Variants in SLC38A10 observed in about 807,000 individuals in gnomAD.
SLC38A10 encodes Sodium-coupled neutral amino acid transporter 10.
In SLC38A10, 53 loss-of-function variants were observed where a neutral mutation model predicts 81.0. The observed-to-expected ratio is 0.65, with a 90% confidence interval of 0.53 to 0.82. The LOEUF (loss-of-function observed/expected upper bound fraction) is 0.82, where lower values mean the gene tolerates loss of function less well. Among genes scored for constraint, SLC38A10 ranks in the 40% least tolerant of loss-of-function variants. The pLI is 0.00. For missense variants in SLC38A10, 1,471 were observed against 1,545.0 expected, an observed-to-expected ratio of 0.95 and a Z score of 0.80; for synonymous variants, 665 against 655.3, an observed-to-expected ratio of 1.01 and a Z score of -0.23.
chr17:81,258,290 G>A (rs1196674945), intron 11 of SLC38A10, among the ~76,000 whole-genome samples: 3 of 152,186 alleles, frequency 2.0e-5, no homozygotes, highest in East Asian at 1.9e-4. Context: ...GCCTCAGCCC[G>A]GCAGCCCATC....
At chr17:81,259,680 T>C (rs550093240) in intron 11 of SLC38A10, among the ~76,000 whole-genome samples, 1 of 151,886 alleles carries the variant, frequency 6.6e-6, no homozygotes. Flanking sequence ...GCGTCAGGGT[T>C]ATGGGGCGCT....
In SLC38A10 at chr17:81,245,597, G is replaced by C; in HGVS notation, c.3319C>G (p.Arg1107Gly). 1 of 1,611,584 alleles carries C rather than the reference G, an allele frequency of 6.2e-7. No individual in the cohort carries two copies. The highest frequency in any genetic ancestry group is 8.5e-7 in the Non-Finnish European group (1 of 1,179,460). The change falls in exon 16 of 16, where the codon CGG becomes GGG. Residue 1107 changes from arginine (R) to glycine (G), a missense_variant. Physicochemically the swap from Arg to Gly is moderately radical, Grantham distance 125 (BLOSUM62 -2). This residue lies in a region of SLC38A10 where 751 missense variants were observed against 717.4 expected (regional missense o/e 1.05). Transcript: ENST00000374759. ...AGGALQVVHS[R>G]QLRQAPGPPE... The stretch of plus-strand genomic sequence containing the variant: ...GGCCCAGGCGCCTGTCTAAGCTGCC[G>C]GCTGTGGACCACCTGCAGAGCTCCC...
intron 1 of SLC38A10, among the ~76,000 whole-genome samples, chr17:81,293,192 G>A (rs2063323573): frequency 6.6e-6 from 1 of 152,180 alleles, no homozygotes; most frequent in South Asian, 2.1e-4. Flanking sequence ...TCTTTGACTT[G>A]CAGGAGAAGG....
In SLC38A10 at chr17:81,270,080, C is replaced by T. The variant is rs1344112008; in HGVS notation, c.1131+838G>A. ...AAAAGAAACGCAAGTGGCTTCTAAA[C>T]CCATGAAAAGACACTCAAGTTCCCG... is the stretch of plus-strand genomic sequence containing the variant. On this transcript the variant is annotated intron_variant, in intron 10 of 15. Coordinates refer to ENST00000374759, the MANE Select transcript of SLC38A10 (RefSeq NM_001037984.3). The surrounding 1 kb of genome is among the most constrained non-coding windows in gnomAD (Gnocchi z 4.0). Among the ~76,000 whole-genome samples the T allele has an allele frequency of 1.3e-5, 2 of 152,196 alleles. No individual in the cohort carries two copies. The highest frequency in any genetic ancestry group is 2.9e-5 in the Non-Finnish European group (2 of 68,030).
intron 3 of SLC38A10, among the ~76,000 whole-genome samples, chr17:81,284,096 G>T (rs539765101): frequency 6.6e-6 from 1 of 151,644 alleles, no homozygotes; most frequent in Non-Finnish European, 1.5e-5. Flanking sequence ...AGTGGCTCAC[G>T]CCTGTAATCT....
intron 10 of SLC38A10, among the ~76,000 whole-genome samples, chr17:81,267,070 TGC>T (rs2063076710): frequency 1.3e-5 from 1 of 79,374 alleles, no homozygotes; most frequent in Non-Finnish European, 2.7e-5. Context: ...GCAACTAACA[TGC>T]AACTAACATG....
Position 81,253,312 on chromosome 17 carries a change from G to T in SLC38A10, c.1289-72C>A. 1 of 1,528,746 alleles carries T rather than the reference G, an allele frequency of 6.5e-7. No individual in the cohort carries two copies. 94.7% of individuals were successfully genotyped at this position (1,528,746 alleles called of 1,614,324 possible). A position where few individuals can be genotyped will look rare whatever the true frequency, so the allele number is the denominator to read the frequency against. ...GGAGCGGGGCAGCTCTCCCTGGACTGTTACCATATTTTCCAGCCAAATGGC... is the reference window on the plus strand; with the variant it reads ...GGAGCGGGGCAGCTCTCCCTGGACTTTTACCATATTTTCCAGCCAAATGGC... On this transcript the variant is annotated intron_variant, in intron 11 of 15. Transcript: ENST00000374759. This position sits in a 1 kb window ranked among gnomAD's most constrained non-coding sequence, Gnocchi z 4.1.
rs776458039 is a variant in SLC38A10 at position 81,246,311 on chromosome 17, C to T, written c.2605G>A (p.Gly869Ser). The T allele has an allele frequency of 6.2e-7, 1 of 1,610,742 alleles. No homozygotes were observed. The highest frequency in any genetic ancestry group is 1.7e-5 in the Admixed American group (1 of 59,998). ...PVPDPAREAG[G>S]PEERLAEEFP... ...TCCTCTGCGAGGCGCTCCTCTGGGC[C>T]CCCGGCTTCCCTGGCGGGGTCTGGC... is the stretch of plus-strand genomic sequence containing the variant. Residue 869 changes from glycine (G) to serine (S), a missense_variant, in exon 16 of 16, where the codon GGC becomes AGC. Transcript: ENST00000374759.
chr17:81,263,956 A>G (rs2063046995), intron 10 of SLC38A10: 1 of 152,358 alleles, frequency 6.6e-6, no homozygotes, highest in Admixed American at 6.5e-5. Context: ...GAAGTCCCCA[A>G]GGCAGCTGTG....
chr17:81,289,612 A>G lies in SLC38A10; in HGVS notation c.217+79T>C. 1.1e-6 allele frequency: 1 copy of G among 935,858 alleles called. No homozygotes were observed. Among genetic ancestry groups the G allele is most frequent in the Non-Finnish European group, 1.5e-6 (1 of 661,534 alleles). The allele number at this position is 935,858 out of a possible 1,614,324, so 58.0% of individuals were successfully genotyped here. ...CCAAGGAATTCTTGAAGAATCAAGT[A>G]GAGTAAATAAATAAATAAATAAATG... On this transcript the variant is annotated intron_variant, in intron 2 of 15. Transcript: ENST00000374759. The surrounding 1 kb of genome is among the most constrained non-coding windows in gnomAD (Gnocchi z 5.9).
chr17:81,280,956 C>A (rs897079476), intron 5 of SLC38A10, among the ~76,000 whole-genome samples: 2 of 152,184 alleles, frequency 1.3e-5, no homozygotes, highest in Non-Finnish European at 2.9e-5. Context: ...CCTCAGAGCA[C>A]CCTGGTTCAT....
intron 10 of SLC38A10, 107 bp from the exon 11 acceptor site, chr17:81,260,501 G>A (rs1455496487): frequency 7.9e-6 from 11 of 1,393,238 alleles, no homozygotes; most frequent in Non-Finnish European, 9.6e-6. Context: ...TGAGGCACGA[G>A]GAGAGTGGAC....
chr17:81,289,350 T>C lies in SLC38A10; in HGVS notation c.217+341A>G, dbSNP rs933375561. ...AGCCACCACGCCCGGCAGGTTTTTT[T>C]TTTAACTGCATTTTTTTTTAATTTG... On this transcript the variant is annotated intron_variant, in intron 2 of 15. Coordinates refer to ENST00000374759, the MANE Select transcript of SLC38A10 (RefSeq NM_001037984.3). This position sits in a 1 kb window ranked among gnomAD's most constrained non-coding sequence, Gnocchi z 5.9. Among the ~76,000 whole-genome samples, 5 of 151,970 alleles carry C rather than the reference T, an allele frequency of 3.3e-5. No homozygotes were observed. Among genetic ancestry groups the C allele is most frequent in the African/African-American group, 1.2e-4 (5 of 41,354 alleles).
In SLC38A10 at chr17:81,277,652, G is replaced by C. The variant is rs924057098; in HGVS notation, c.627-519C>G. 1.3e-5 allele frequency among the ~76,000 whole-genome samples: 2 copies of C among 152,234 alleles called. No homozygotes were observed. Among genetic ancestry groups the C allele is most frequent in the Non-Finnish European group, 2.9e-5 (2 of 68,048 alleles). On this transcript the variant is annotated intron_variant, in intron 6 of 15. Coordinates refer to ENST00000374759, the MANE Select transcript of SLC38A10 (RefSeq NM_001037984.3). The surrounding 1 kb of genome is among the most constrained non-coding windows in gnomAD (Gnocchi z 4.5). ...TCTCACTTGTGTGATGAGAAAACTG[G>C]CTTCGGTCCCACAGCCTGGTGCCAG...
At position 81,289,577 on chromosome 17, in the gene SLC38A10, A is replaced by C. The variant is rs576719070; in HGVS notation, c.217+114T>G. 9.2e-5 allele frequency: 68 copies of C among 735,848 alleles called. No homozygotes were observed. The highest frequency in any genetic ancestry group is 3.1e-4 in the African/African-American group (17 of 54,814). 45.6% of individuals were successfully genotyped at this position (735,848 alleles called of 1,614,324 possible). ...AGCATTACATTTTAAAATAAAAAAAACCCTGCTATCCAAGGAATTCTTGAA... is the reference window on the plus strand; with the variant it reads ...AGCATTACATTTTAAAATAAAAAAACCCCTGCTATCCAAGGAATTCTTGAA... On this transcript the variant is annotated intron_variant, in intron 2 of 15. Transcript: ENST00000374759. This position sits in a 1 kb window ranked among gnomAD's most constrained non-coding sequence, Gnocchi z 5.9.
In SLC38A10 at chr17:81,271,193, C is replaced by T. The variant is rs2063112687; in HGVS notation, c.1025-169G>A. On this transcript the variant is annotated intron_variant, in intron 9 of 15. Coordinates refer to ENST00000374759, the MANE Select transcript of SLC38A10 (RefSeq NM_001037984.3). ...CTGTGCCCAGAAAGCCTGACAACCG[C>T]GGCTGATTCCTCCAACAGTGCATTT... is the stretch of plus-strand genomic sequence containing the variant. 2.6e-5 allele frequency among the ~76,000 whole-genome samples: 4 copies of T among 152,358 alleles called. No homozygotes were observed. The South Asian group carries it at 6.2e-4, about 24-fold the overall frequency.
chr17:81,269,920 C>A (rs950293734), intron 10 of SLC38A10, among the ~76,000 whole-genome samples: 15 of 152,024 alleles, frequency 9.9e-5, no homozygotes, highest in African/African-American at 3.6e-4. Context: ...GCCGAGACTG[C>A]GCCACTGCAC....
chr17:81,267,208 T>G (rs2063077799), intron 10 of SLC38A10, among the ~76,000 whole-genome samples: 1 of 152,200 alleles, frequency 6.6e-6, no homozygotes, highest in African/African-American at 2.4e-5. Context: ...GATGGATTAT[T>G]CAATAAATCA....
Position 81,253,104 on chromosome 17 carries a change from C to T in SLC38A10, c.1425G>A (p.Pro475=), listed in dbSNP as rs771978613. 26 of 1,613,576 alleles carry T rather than the reference C, an allele frequency of 1.6e-5. No homozygotes were observed. Among genetic ancestry groups the T allele is most frequent in the East Asian group, 2.2e-5 (1 of 44,894 alleles). ...CAGGGCGATCGAGCTGTGCCTCCTC[C>T]GGTGCCTCCTTGCCATCTTCCCGTC... The part of the protein sequence containing the change: ...VPGREDGKEA[P]EEAQLDRPGQ... The change falls in exon 12 of 16, where the codon CCG becomes CCA. Residue 475 remains proline, a synonymous_variant. Coordinates refer to ENST00000374759, the MANE Select transcript of SLC38A10 (RefSeq NM_001037984.3). The surrounding 1 kb of genome is among the most constrained non-coding windows in gnomAD (Gnocchi z 4.1).
Sources: allele counts gnomAD v4.1 joint callset (sites outside exome capture counted in the v4.1 genomes callset), GRCh38; gene constraint gnomAD v4.1.1; regional missense constraint gnomAD v4.1.1; non-coding constraint Gnocchi (gnomAD v3.1); transcripts MANE v1.5; gene names NCBI Gene and HGNC (gene_info 2026-07-23, HGNC 2026-07-21).